Variants in CD1B observed in about 807,000 individuals in gnomAD.
CD1B encodes CD1b molecule.
A neutral mutation model predicts 39.8 loss-of-function variants in CD1B; 43 were observed. The ratio of observed to expected loss-of-function variants is 1.08; its 90% CI spans 0.85 to 1.39. CD1B has a LOEUF of 1.39. Ranked by LOEUF, CD1B falls within the 40% of genes most tolerant of loss-of-function variation. The probability of loss-of-function intolerance (pLI) is 0.00; values close to 1 mark genes in which losing one functional copy is unlikely to be tolerated. For synonymous variants in CD1B, 192 were observed against 152.5 expected (o/e 1.26, Z -1.91); for missense variants, 495 against 403.8 (o/e 1.23, Z -1.94).
chr1:158,330,751 A>G, intron 2 of CD1B, 45 bp downstream of exon 2: 1 of 1,594,096 alleles, frequency 6.3e-7, no homozygotes, highest in South Asian at 1.1e-5. Context: ...AAAGAGAGAA[A>G]AGAGAGTCCT....
the CD1B span, among the ~76,000 whole-genome samples, chr1:158,307,932 G>T: frequency 6.8e-4 from 104 of 152,278 alleles, no homozygotes; most frequent in African/African-American, 2.4e-3. Context: ...CACAAGACAG[G>T]GATGCCCTCT....
the CD1B span, among the ~76,000 whole-genome samples, chr1:158,310,985 G>A: frequency 9.9e-5 from 15 of 152,016 alleles, no homozygotes; most frequent in Admixed American, 9.8e-4. Flanking sequence ...GAAACATTCT[G>A]TACACCAAGC....
the CD1B span, among the ~76,000 whole-genome samples, chr1:158,289,588 A>G: frequency 6.6e-6 from 1 of 152,240 alleles, no homozygotes; most frequent in Non-Finnish European, 1.5e-5. Context: ...GGGGAAAGAA[A>G]GAATGGAGTG....
chr1:158,293,315 T>G, the CD1B span: 1 of 1,606,422 alleles, frequency 6.2e-7, no homozygotes, highest in Non-Finnish European at 8.5e-7. Flanking sequence ...GAGTTTTTTG[T>G]ATTTCCTCCT....
At chr1:158,323,045 T>C (rs757828191), downstream of CD1B, among the ~76,000 whole-genome samples, 5 of 152,206 alleles carry the variant, frequency 3.3e-5, no homozygotes, top group African/African-American at 1.2e-4. Flanking sequence ...TCCAGGATTG[T>C]AAAATTTTCT....
At chr1:158,314,766 A>T in the CD1B span, among the ~76,000 whole-genome samples, 1 of 151,346 alleles carries the variant, frequency 6.6e-6, no homozygotes, top group African/African-American at 2.4e-5. Flanking sequence ...CTAACTCGTC[A>T]TCTAGCATTA....
the CD1B span, chr1:158,291,410 A>C: frequency 6.2e-7 from 1 of 1,612,002 alleles, no homozygotes; most frequent in East Asian, 2.2e-5. Context: ...TGTAAGTTCA[A>C]TCATCTAAAT....
intron 5 of CD1B, among the ~76,000 whole-genome samples, 197 bp from the exon 6 acceptor site, chr1:158,328,454 T>C (rs927180318): frequency 1.3e-5 from 2 of 152,230 alleles, no homozygotes; most frequent in African/African-American, 4.8e-5. Context: ...CCCTTTCATA[T>C]GCTACAATGA....
At chr1:158,308,465 G>A in the CD1B span, among the ~76,000 whole-genome samples, 1 of 152,222 alleles carries the variant, frequency 6.6e-6, no homozygotes, top group Admixed American at 6.5e-5. Flanking sequence ...TTTCTTCACA[G>A]AATTGGAAAA....
At chr1:158,297,411 C>CT in the CD1B span, among the ~76,000 whole-genome samples, 2 of 152,132 alleles carry the variant, frequency 1.3e-5, no homozygotes, top group Non-Finnish European at 2.9e-5. Context: ...TTTATTACCA[C>CT]CAGACCTGCC....
At chr1:158,290,507 G>A in the CD1B span, among the ~76,000 whole-genome samples, 1 of 152,192 alleles carries the variant, frequency 6.6e-6, no homozygotes, top group East Asian at 1.9e-4. Flanking sequence ...AGGAAGGGAA[G>A]TAGATAAGAT....
chr1:158,307,812 T>C, the CD1B span, among the ~76,000 whole-genome samples: 1 of 152,118 alleles, frequency 6.6e-6, no homozygotes, highest in Admixed American at 6.6e-5. Flanking sequence ...TCTCAATAAA[T>C]TAGGTATTGA....
chr1:158,327,246 T>C (rs1652388892), downstream of CD1B, among the ~76,000 whole-genome samples: 1 of 152,148 alleles, frequency 6.6e-6, no homozygotes, highest in Non-Finnish European at 1.5e-5. Context: ...AGAGCATTGA[T>C]TGGTGCATTT....
the CD1B span, among the ~76,000 whole-genome samples, chr1:158,286,573 T>C: frequency 6.6e-6 from 1 of 152,300 alleles, no homozygotes; most frequent in Admixed American, 6.5e-5. Flanking sequence ...CATGGAGGGA[T>C]ATGGACTGTG....
chr1:158,331,328 G>C (rs759322010), intron 1 of CD1B, 35 bp downstream of exon 1: 17 of 1,592,358 alleles, frequency 1.1e-5, no homozygotes, highest in East Asian at 8.9e-5. Flanking sequence ...CCAAACCCCT[G>C]CACCAGTGCT....
chr1:158,295,139 A>G, the CD1B span, among the ~76,000 whole-genome samples: 1 of 152,146 alleles, frequency 6.6e-6, no homozygotes, highest in South Asian at 2.1e-4. Context: ...TTGGGAGAAG[A>G]GACAAGATGG....
the CD1B span, among the ~76,000 whole-genome samples, chr1:158,287,275 T>A: frequency 4.0e-5 from 6 of 151,188 alleles, no homozygotes; most frequent in African/African-American, 1.5e-4. Context: ...GGCCTTTCCA[T>A]GGTGGGTGCA....
At position 158,329,864 on chromosome 1, in the gene CD1B, G is replaced by A; in HGVS notation, c.595C>T (p.Leu199=). The A allele has an allele frequency of 1.2e-6, 2 of 1,613,574 alleles. No individual in the cohort carries two copies. Among genetic ancestry groups the A allele is most frequent in the African/African-American group, 2.7e-5 (2 of 75,034 alleles). ...LGVLNAGKAD[L]QRQVKPEAWL... The stretch of plus-strand genomic sequence containing the variant: ...CAGCAGGACTAACCTTGTCTTTGCA[G>A]ATCTGCTTTTCCTGCATTGAGGACG... Residue 199 remains leucine, a synonymous_variant, in exon 3 of 6, where the codon CTG becomes TTG. Transcript: ENST00000368168.
the CD1B span, among the ~76,000 whole-genome samples, chr1:158,305,907 G>A: frequency 6.6e-6 from 1 of 152,318 alleles, no homozygotes; most frequent in African/African-American, 2.4e-5. Flanking sequence ...CACCAGGCCT[G>A]CCCTACAAGA....
Sources: gnomAD v4.1 joint callset for allele counts (sites outside exome capture counted in the v4.1 genomes callset) on GRCh38, gnomAD v4.1.1 for gene constraint, MANE v1.5 for transcripts, NCBI Gene and HGNC (gene_info 2026-07-23, HGNC 2026-07-21) for gene names.